ZEB1: variants seen among roughly 807,000 people sequenced by gnomAD.
The protein encoded by ZEB1 is zinc finger E-box-binding homeobox 1.
A neutral mutation model predicts 84.9 loss-of-function variants in ZEB1; 21 were observed. The ratio of observed to expected loss-of-function variants is 0.25; its 90% CI spans 0.18 to 0.36. The LOEUF (loss-of-function observed/expected upper bound fraction) is 0.36, where lower values mean the gene tolerates loss of function less well. Among genes scored for constraint, ZEB1 ranks in the 10% least tolerant of loss-of-function variants. ZEB1 has a pLI of 1.00. For missense variants in ZEB1, 1,104 were observed against 1,330.2 expected, an observed-to-expected ratio of 0.83 and a Z score of 2.65; for synonymous variants, 420 against 471.1, an observed-to-expected ratio of 0.89 and a Z score of 1.41.
At chr10:31,476,065 A>G (rs748008656) in intron 2 of ZEB1, among the ~76,000 whole-genome samples, 1 of 152,074 alleles carries the variant, frequency 6.6e-6, no homozygotes, top group Admixed American at 6.6e-5. Flanking sequence ...AAAGACAACT[A>G]CAGACTCAAA....
At chr10:31,367,545 T>G (rs2044765243) in intron 1 of ZEB1, among the ~76,000 whole-genome samples, 1 of 152,246 alleles carries the variant, frequency 6.6e-6, no homozygotes, top group Non-Finnish European at 1.5e-5. Flanking sequence ...GGTAATACGC[T>G]ATTATCTTCA....
chr10:31,514,815 C>G, intron 6 of ZEB1, 107 bp downstream of exon 6: 1 of 930,588 alleles, frequency 1.1e-6, no homozygotes, highest in South Asian at 1.5e-5. Context: ...CCTTGCATTT[C>G]TTTTGGCATA....
chr10:31,389,559 G>A (rs2049239467), intron 1 of ZEB1: 1 of 152,164 alleles, frequency 6.6e-6, no homozygotes, highest in East Asian at 1.9e-4. Flanking sequence ...CTGGAGGGAG[G>A]TGAGAGAAGC....
chr10:31,365,115 A>G (rs2044209925), intron 1 of ZEB1, among the ~76,000 whole-genome samples: 1 of 152,212 alleles, frequency 6.6e-6, no homozygotes, highest in Non-Finnish European at 1.5e-5. Context: ...CCTAAAAGAA[A>G]TTTGCCAGTG....
intron 1 of ZEB1, among the ~76,000 whole-genome samples, chr10:31,325,874 A>T (rs866895328): frequency 1.3e-5 from 2 of 151,540 alleles, no homozygotes; most frequent in African/African-American, 4.8e-5. Flanking sequence ...GTTACTATTC[A>T]TGCTCACGGC....
intron 1 of ZEB1, among the ~76,000 whole-genome samples, chr10:31,353,839 T>C (rs769574012): frequency 9.2e-5 from 14 of 152,192 alleles, no homozygotes; most frequent in Non-Finnish European, 1.9e-4. Context: ...AGAAAACCAG[T>C]ACTACTACTT....
At chr10:31,435,835 C>T (rs964170231) in intron 1 of ZEB1, among the ~76,000 whole-genome samples, 5 of 152,114 alleles carry the variant, frequency 3.3e-5, no homozygotes, top group South Asian at 2.1e-4. Flanking sequence ...AAGATCACCC[C>T]GGCTGCTGTG....
chr10:31,482,816 T>C (rs946325823), intron 2 of ZEB1, among the ~76,000 whole-genome samples: 6 of 152,050 alleles, frequency 3.9e-5, no homozygotes, highest in Non-Finnish European at 7.4e-5. Flanking sequence ...GGAAAAATAT[T>C]GGAATATAAT....
chr10:31,475,680 C>T (rs185531556), intron 2 of ZEB1, among the ~76,000 whole-genome samples: 1 of 152,174 alleles, frequency 6.6e-6, no homozygotes, highest in Non-Finnish European at 1.5e-5. Context: ...ATTTTATATC[C>T]TGCCAAACTA....
chr10:31,431,475 A>G (rs1284312122), intron 1 of ZEB1, among the ~76,000 whole-genome samples: 2 of 152,228 alleles, frequency 1.3e-5, no homozygotes, highest in African/African-American at 2.4e-5. Context: ...ATCCCAGAGT[A>G]TGTTGCAGGG....
intron 2 of ZEB1, among the ~76,000 whole-genome samples, chr10:31,463,454 T>C (rs1296995334): frequency 6.6e-6 from 1 of 152,192 alleles, no homozygotes; most frequent in East Asian, 1.9e-4. Flanking sequence ...ACTTTGGTCC[T>C]GAATACATTT....
At chr10:31,377,412 C>G (rs560193368) in intron 1 of ZEB1, among the ~76,000 whole-genome samples, 2 of 151,786 alleles carry the variant, frequency 1.3e-5, no homozygotes, top group East Asian at 3.9e-4. Flanking sequence ...GAACCTGTTA[C>G]AATTATGAGG....
intron 1 of ZEB1, among the ~76,000 whole-genome samples, chr10:31,418,398 T>C (rs755245175): frequency 3.3e-5 from 5 of 152,018 alleles, no homozygotes; most frequent in South Asian, 2.1e-4. Context: ...TGGGGGGATA[T>C]AGGCACAGTC....
chr10:31,474,119 C>T (rs2063704316), intron 2 of ZEB1, among the ~76,000 whole-genome samples: 1 of 152,074 alleles, frequency 6.6e-6, no homozygotes, highest in Admixed American at 6.5e-5. Context: ...AGAAGAAAAC[C>T]TAGGCAATAA....
chr10:31,487,693 CT>C (rs1271415160), intron 2 of ZEB1, among the ~76,000 whole-genome samples: 9 of 151,240 alleles, frequency 6.0e-5, no homozygotes, highest in Non-Finnish European at 1.0e-4. Context: ...ACATTCTTGG[CT>C]TTTTCTTAAT....
intron 1 of ZEB1, among the ~76,000 whole-genome samples, chr10:31,381,490 C>A (rs1239354533): frequency 6.6e-6 from 1 of 152,128 alleles, no homozygotes; most frequent in Non-Finnish European, 1.5e-5. Flanking sequence ...GTTTCTAAAT[C>A]AAGAATATTG....
At chr10:31,404,399 A>G (rs982344814) in intron 1 of ZEB1, among the ~76,000 whole-genome samples, 1 of 152,132 alleles carries the variant, frequency 6.6e-6, no homozygotes, top group Non-Finnish European at 1.5e-5. Context: ...TTACTGAAAA[A>G]GTTACCAACT....
chr10:31,378,873 G>C (rs895776610), intron 1 of ZEB1, among the ~76,000 whole-genome samples: 1 of 151,936 alleles, frequency 6.6e-6, no homozygotes. Context: ...AGATACACAA[G>C]GGATATAAGA....
At chr10:31,519,076 C>CA (rs1351272817) in intron 6 of ZEB1, among the ~76,000 whole-genome samples, 1 of 152,130 alleles carries the variant, frequency 6.6e-6, no homozygotes, top group Non-Finnish European at 1.5e-5. Flanking sequence ...CATCATTCAA[C>CA]AATTAGCCAT....
Sources: allele counts gnomAD v4.1 joint callset (sites outside exome capture counted in the v4.1 genomes callset), GRCh38; gene constraint gnomAD v4.1.1; transcripts MANE v1.5; gene names NCBI Gene and HGNC (gene_info 2026-07-23, HGNC 2026-07-21).